The following EPB41L3 variants were observed in gnomAD, a reference collection of about 807,000 sequenced individuals.
EPB41L3 encodes band 4.1-like protein 3.
In EPB41L3, 57 loss-of-function variants were observed where a neutral mutation model predicts 127.1. The observed-to-expected ratio is 0.45, with a 90% CI of 0.36 to 0.56. EPB41L3 has a LOEUF of 0.56. Ranked by LOEUF, EPB41L3 falls within the 20% of genes least tolerant of loss-of-function variation. The pLI, the probability that EPB41L3 is intolerant of heterozygous loss-of-function variation, is 0.00. For missense variants in EPB41L3, 1,273 were observed against 1,372.2 expected (o/e 0.93, Z 1.14); for synonymous variants, 572 against 549.5 (o/e 1.04, Z -0.57).
At chr18:5,561,258 T>C (rs2094131955) in intron 3 of EPB41L3, among the ~76,000 whole-genome samples, 1 of 152,134 alleles carries the variant, frequency 6.6e-6, no homozygotes, top group South Asian at 2.1e-4. Flanking sequence ...ATTATAGGCG[T>C]GAGCCACCGC....
At chr18:5,506,729 G>T (rs962815953) in intron 1 of EPB41L3, among the ~76,000 whole-genome samples, 2 of 152,130 alleles carry the variant, frequency 1.3e-5, no homozygotes, top group Non-Finnish European at 2.9e-5. Context: ...GGTGCTCAAA[G>T]AGTATCTGCT....
At chr18:5,508,178 T>G (rs1248974056) in intron 1 of EPB41L3, 1 of 152,224 alleles carries the variant, frequency 6.6e-6, no homozygotes, top group East Asian at 1.9e-4. Context: ...AGCAACTTCT[T>G]ATCTGATACT....
intron 1 of EPB41L3, among the ~76,000 whole-genome samples, chr18:5,494,776 C>T (rs1288616204): frequency 6.6e-6 from 1 of 151,664 alleles, no homozygotes; most frequent in Non-Finnish European, 1.5e-5. Flanking sequence ...CACTTACTTG[C>T]GTGAGGTTAC....
At chr18:5,393,536 G>A (rs562338246) in intron 22 of EPB41L3, 58 bp from the exon 23 acceptor site, 3 of 694,818 alleles carry the variant, frequency 4.3e-6, no homozygotes, top group Non-Finnish European at 5.2e-6. Context: ...GATTTTCTCA[G>A]ATCAAGGACA....
At chr18:5,418,846 A>C (rs2077129890) in intron 12 of EPB41L3, among the ~76,000 whole-genome samples, 1 of 152,188 alleles carries the variant, frequency 6.6e-6, no homozygotes, top group South Asian at 2.1e-4. Flanking sequence ...CCCATGTACA[A>C]AAGATCACTC....
intron 3 of EPB41L3, among the ~76,000 whole-genome samples, chr18:5,454,623 T>A (rs2082760387): frequency 6.6e-6 from 1 of 152,208 alleles, no homozygotes; most frequent in Admixed American, 6.5e-5. Context: ...GTCAGTCCTT[T>A]CTTTAAATTC....
intron 3 of EPB41L3, among the ~76,000 whole-genome samples, chr18:5,455,064 T>C (rs2322096): frequency 0.28 from 42,985 of 152,104 alleles, 6,284 homozygotes; most frequent in Middle Eastern, 0.38. Context: ...ATAATACTGG[T>C]ACTTATGCAA....
intron 3 of EPB41L3, among the ~76,000 whole-genome samples, chr18:5,560,019 C>T (rs1373292956): frequency 6.6e-6 from 1 of 152,186 alleles, no homozygotes; most frequent in Non-Finnish European, 1.5e-5. Flanking sequence ...GGCTCAGTTA[C>T]TATGACACCA....
intron 1 of EPB41L3, among the ~76,000 whole-genome samples, chr18:5,517,713 T>C (rs1359511803): frequency 6.6e-6 from 1 of 152,120 alleles, no homozygotes; most frequent in African/African-American, 2.4e-5. Flanking sequence ...GTTGAGATTA[T>C]AGGTGTGAGC....
intron 1 of EPB41L3, among the ~76,000 whole-genome samples, chr18:5,522,830 CT>C (rs1360613770): frequency 2.4e-4 from 37 of 152,160 alleles, no homozygotes; most frequent in African/African-American, 8.7e-4. Context: ...TACAATGCAG[CT>C]TACTGCTAGG....
chr18:5,540,421 G>A, intron 1 of EPB41L3: 1 of 985,410 alleles, frequency 1.0e-6, no homozygotes, highest in Non-Finnish European at 1.2e-6. Flanking sequence ...GCTTCAGATG[G>A]TCTGGTTTTG....
chr18:5,535,092 G>A (rs1294376210), intron 1 of EPB41L3, among the ~76,000 whole-genome samples: 1 of 152,134 alleles, frequency 6.6e-6, no homozygotes, highest in Non-Finnish European at 1.5e-5. Context: ...GAGAATGTGA[G>A]AATGTGAACC....
At chr18:5,488,907 C>T in intron 2 of EPB41L3, 94 bp downstream of exon 2, 2 of 1,367,420 alleles carry the variant, frequency 1.5e-6, no homozygotes, top group Non-Finnish European at 1.9e-6. Context: ...GATGACCCCT[C>T]ATAGCTGCCT....
At chr18:5,449,924 T>C (rs1026317795) in intron 3 of EPB41L3, among the ~76,000 whole-genome samples, 3 of 152,126 alleles carry the variant, frequency 2.0e-5, no homozygotes, top group Admixed American at 1.3e-4. Context: ...GATAGTAAGA[T>C]AGAATAATTA....
At chr18:5,607,185 G>T (rs1338499676) in intron 3 of EPB41L3, among the ~76,000 whole-genome samples, 2 of 152,196 alleles carry the variant, frequency 1.3e-5, no homozygotes, top group African/African-American at 4.8e-5. Context: ...AATGTCGAAA[G>T]CAAGAGCGAG....
At chr18:5,546,960 G>T (rs2093891138), upstream of EPB41L3, among the ~76,000 whole-genome samples, 1 of 152,132 alleles carries the variant, frequency 6.6e-6, no homozygotes, top group African/African-American at 2.4e-5. Flanking sequence ...TTTCTTCAGG[G>T]ATTCGGCTTC....
intron 3 of EPB41L3, chr18:5,570,121 C>G (rs185248021): frequency 1.4e-3 from 216 of 152,280 alleles, no homozygotes; most frequent in African/African-American, 5.0e-3. Flanking sequence ...GGTCTGCCTC[C>G]TCTATCCTAT....
intron 3 of EPB41L3, among the ~76,000 whole-genome samples, chr18:5,581,400 T>G (rs991154390): frequency 2.6e-5 from 4 of 152,224 alleles, no homozygotes; most frequent in Non-Finnish European, 5.9e-5. Flanking sequence ...TTAAACTAAA[T>G]TTTAAGATAC....
rs185429243 is a variant in EPB41L3 at position 5,415,765 on chromosome 18, G to A, written c.2067+53C>T. On this transcript the variant is annotated intron_variant, in intron 13 of 22. Transcript: ENST00000341928. ...GGCAGCAGCCAGCTAACACTGTTTC[G>A]GACTCAAGCACGGAACACGAAGGGG... 1,671 of 1,541,416 alleles carry A rather than the reference G, an allele frequency of 1.1e-3. 17 individuals carry two copies. Among genetic ancestry groups the A allele is most frequent in the East Asian group, 8.1e-4 (36 of 44,318 alleles).
Sources: gnomAD v4.1 joint callset for allele counts (sites outside exome capture counted in the v4.1 genomes callset) on GRCh38, gnomAD v4.1.1 for gene constraint, MANE v1.5 for transcripts, NCBI Gene and HGNC (gene_info 2026-07-23, HGNC 2026-07-21) for gene names.